GALNTL6: variants seen among roughly 807,000 people sequenced by gnomAD.
The protein encoded by GALNTL6 is polypeptide N-acetylgalactosaminyltransferase-like 6.
In GALNTL6, 46 loss-of-function variants were observed where a neutral mutation model predicts 73.7. The observed-to-expected ratio is 0.62, with a 90% confidence interval of 0.49 to 0.80. The LOEUF is 0.80. Among genes scored for constraint, GALNTL6 ranks in the 30% least tolerant of loss-of-function variants. The pLI, the probability that GALNTL6 is intolerant of heterozygous loss-of-function variation, is 0.00. For missense variants in GALNTL6, 604 were observed against 755.0 expected, an observed-to-expected ratio of 0.80 and a Z score of 2.34; for synonymous variants, 259 against 263.7, an observed-to-expected ratio of 0.98 and a Z score of 0.17.
chr4:172,271,424 C>T (rs776066359), intron 3 of GALNTL6, among the ~76,000 whole-genome samples: 8 of 152,016 alleles, frequency 5.3e-5, no homozygotes, highest in Non-Finnish European at 1.2e-4. Context: ...CACATATATA[C>T]AAACATGCAT....
At chr4:172,061,945 C>CTT (rs11284710) in intron 2 of GALNTL6, among the ~76,000 whole-genome samples, 9,615 of 114,634 alleles carry the variant, frequency 0.084, 651 homozygotes, top group Admixed American at 0.18. Flanking sequence ...TTTTTATCCA[C>CTT]TTTTTTTTTT....
chr4:172,986,795 AGAG>A (rs1426434378), intron 10 of GALNTL6, among the ~76,000 whole-genome samples: 2 of 152,214 alleles, frequency 1.3e-5, no homozygotes, highest in African/African-American at 2.4e-5. Context: ...TTTTAGTTAC[AGAG>A]GAGGAAGGCT....
chr4:172,887,753 G>A lies in GALNTL6; in HGVS notation c.1041+4846G>A, dbSNP rs575751073. On this transcript the variant is annotated intron_variant, in intron 8 of 12. Coordinates refer to ENST00000506823, the MANE Select transcript of GALNTL6 (RefSeq NM_001034845.3). Reference sequence around the variant, plus strand: ...TAATTTTTGTATTTTTTGTAGAGACGGGGTTTCCCCATGTTGGCCAGGCTA... The same window carrying A: ...TAATTTTTGTATTTTTTGTAGAGACAGGGTTTCCCCATGTTGGCCAGGCTA... Among the ~76,000 whole-genome samples the A allele has an allele frequency of 3.3e-5, 5 of 152,010 alleles. No homozygotes were observed. The South Asian group carries it at 6.2e-4, about 19-fold the overall frequency.
At chr4:172,528,832 C>T (rs1735058901) in intron 5 of GALNTL6, among the ~76,000 whole-genome samples, 1 of 149,702 alleles carries the variant, frequency 6.7e-6, no homozygotes, top group African/African-American at 2.4e-5. Context: ...GTTCAATGTA[C>T]TATGCCAGGC....
chr4:171,991,374 C>T (rs1740328991), intron 2 of GALNTL6, among the ~76,000 whole-genome samples: 1 of 151,940 alleles, frequency 6.6e-6, no homozygotes, highest in Non-Finnish European at 1.5e-5. Context: ...AATGAAGTGC[C>T]AATCAAAACC....
At chr4:171,943,406 A>G (rs530158542) in intron 2 of GALNTL6, among the ~76,000 whole-genome samples, 1 of 152,300 alleles carries the variant, frequency 6.6e-6, no homozygotes, top group South Asian at 2.1e-4. Context: ...TTAGAGATGG[A>G]ATTTTACTTC....
chr4:173,003,228 G>A (rs1752123814), intron 10 of GALNTL6, among the ~76,000 whole-genome samples: 1 of 152,194 alleles, frequency 6.6e-6, no homozygotes, highest in Non-Finnish European at 1.5e-5. Context: ...GGGACATTCA[G>A]TACCTAGGAC....
At chr4:172,528,433 C>T (rs554843400) in intron 5 of GALNTL6, among the ~76,000 whole-genome samples, 20 of 149,762 alleles carry the variant, frequency 1.3e-4, no homozygotes, top group African/African-American at 4.4e-4. Context: ...TCTCGGCTCA[C>T]TGCAACCTCT....
chr4:172,390,616 G>A (rs987759973), intron 5 of GALNTL6, among the ~76,000 whole-genome samples: 1 of 152,128 alleles, frequency 6.6e-6, no homozygotes, highest in African/African-American at 2.4e-5. Context: ...GAAAAGCATA[G>A]TTTATACAAA....
intron 5 of GALNTL6, among the ~76,000 whole-genome samples, chr4:172,687,778 A>C (rs1251637438): frequency 6.6e-6 from 1 of 152,196 alleles, no homozygotes. Context: ...GTCAGTTACC[A>C]TATTCTCCTT....
At chr4:172,001,652 G>A (rs992471976) in intron 2 of GALNTL6, among the ~76,000 whole-genome samples, 2 of 151,978 alleles carry the variant, frequency 1.3e-5, no homozygotes, top group Non-Finnish European at 2.9e-5. Flanking sequence ...TTGCTTGCCC[G>A]AACCTCCCTC....
intron 3 of GALNTL6, among the ~76,000 whole-genome samples, chr4:172,269,866 C>T (rs950962950): frequency 2.6e-5 from 4 of 152,050 alleles, no homozygotes; most frequent in African/African-American, 9.7e-5. Context: ...ATTCTCCTGC[C>T]TCAGCCTCCT....
At chr4:172,616,063 T>C (rs1315910724) in intron 5 of GALNTL6, among the ~76,000 whole-genome samples, 1 of 152,188 alleles carries the variant, frequency 6.6e-6, no homozygotes, top group African/African-American at 2.4e-5. Flanking sequence ...AAACTTTAAA[T>C]GTGAAAAGAG....
chr4:172,091,814 T>G (rs1172563723), intron 2 of GALNTL6, among the ~76,000 whole-genome samples: 1 of 152,180 alleles, frequency 6.6e-6, no homozygotes, highest in Admixed American at 6.5e-5. Flanking sequence ...TCTGTAAAGC[T>G]ATAGATAGCT....
chr4:172,555,168 A>T (rs1736099273), intron 5 of GALNTL6, among the ~76,000 whole-genome samples: 1 of 152,190 alleles, frequency 6.6e-6, no homozygotes, highest in African/African-American at 2.4e-5. Context: ...GCAGGAATTC[A>T]TCAATTTTTA....
intron 2 of GALNTL6, among the ~76,000 whole-genome samples, chr4:171,883,642 GCTTTT>G (rs1413546109): frequency 6.6e-6 from 1 of 150,580 alleles, no homozygotes; most frequent in Non-Finnish European, 1.5e-5. Flanking sequence ...TTATATATGT[GCTTTT>G]CTTTTCTTTT....
chr4:173,011,534 A>C (rs1290352458), intron 11 of GALNTL6, among the ~76,000 whole-genome samples: 1 of 152,170 alleles, frequency 6.6e-6, no homozygotes, highest in Non-Finnish European at 1.5e-5. Flanking sequence ...ATTTTTGTAC[A>C]TGACAAGAGA....
At chr4:172,955,073 A>G (rs1749646927) in intron 10 of GALNTL6, among the ~76,000 whole-genome samples, 1 of 152,246 alleles carries the variant, frequency 6.6e-6, no homozygotes, top group Non-Finnish European at 1.5e-5. Context: ...AGTATAAGTG[A>G]AACATGTACA....
At chr4:172,852,802 G>A (rs556251809) in intron 7 of GALNTL6, among the ~76,000 whole-genome samples, 6 of 152,010 alleles carry the variant, frequency 3.9e-5, no homozygotes, top group Admixed American at 6.6e-5. Flanking sequence ...TAAAGAAACC[G>A]GATCAAAAAA....
Sources: gnomAD v4.1 joint callset for allele counts (sites outside exome capture counted in the v4.1 genomes callset) on GRCh38, gnomAD v4.1.1 for gene constraint, MANE v1.5 for transcripts, NCBI Gene and HGNC (gene_info 2026-07-23, HGNC 2026-07-21) for gene names.